The following IL1RAPL2 variants were observed in gnomAD, a reference collection of about 807,000 sequenced individuals.
IL1RAPL2 encodes interleukin 1 receptor accessory protein like 2, also known as X-linked interleukin-1 receptor accessory protein-like 2.
A neutral mutation model predicts 44.1 loss-of-function variants in IL1RAPL2; 3 were observed. The ratio of observed to expected loss-of-function variants is 0.07; its 90% confidence interval spans 0.03 to 0.18. The LOEUF (loss-of-function observed/expected upper bound fraction) is 0.18, where lower values mean the gene tolerates loss of function less well. Ranked by LOEUF, IL1RAPL2 falls within the 10% of genes least tolerant of loss-of-function variation. The probability of loss-of-function intolerance (pLI) is 1.00; values close to 1 mark genes in which losing one functional copy is unlikely to be tolerated. For missense variants in IL1RAPL2, 391 were observed against 496.4 expected (o/e 0.79, Z 2.02); for synonymous variants, 181 against 178.8 (o/e 1.01, Z -0.10).
intron 1 of IL1RAPL2, among the ~76,000 whole-genome samples, chrX:104,627,473 A>C (rs1030822528): frequency 3.5e-5 from 3 of 86,112 alleles, no homozygotes; most frequent in South Asian, 4.9e-4. Context: ...CCTAAAACTT[A>C]AAGTATAATA....
intron 6 of IL1RAPL2, among the ~76,000 whole-genome samples, chrX:105,535,704 A>C (rs1416191027): frequency 8.9e-6 from 1 of 111,817 alleles, no homozygotes; most frequent in African/African-American, 3.3e-5. Context: ...ATGTACTTCC[A>C]TTTCCACGGC....
At chrX:104,606,693 TCACAATTCCTA>T (rs1929020183) in intron 1 of IL1RAPL2, among the ~76,000 whole-genome samples, 1 of 111,008 alleles carries the variant, frequency 9.0e-6, no homozygotes, top group African/African-American at 3.3e-5. Flanking sequence ...GAACTCCCAT[TCACAATTCCTA>T]CAAAGAGAAT....
At chrX:104,981,018 G>C (rs1293905065) in intron 2 of IL1RAPL2, among the ~76,000 whole-genome samples, 1 of 107,789 alleles carries the variant, frequency 9.3e-6, no homozygotes, top group African/African-American at 3.4e-5. Flanking sequence ...TCTGTGTAGA[G>C]ATCTTTCACC....
intron 6 of IL1RAPL2, among the ~76,000 whole-genome samples, chrX:105,652,855 A>G (rs774796934): frequency 1.8e-5 from 2 of 111,610 alleles, no homozygotes; most frequent in Non-Finnish European, 3.8e-5. Flanking sequence ...ATAAACCCAC[A>G]ATAAACATAG....
intron 2 of IL1RAPL2, among the ~76,000 whole-genome samples, chrX:104,948,016 A>C (rs1394920803): frequency 6.3e-5 from 7 of 110,959 alleles, no homozygotes; most frequent in South Asian, 3.8e-4. Context: ...GCAGTATGGC[A>C]ATTTTCACAA....
intron 1 of IL1RAPL2, among the ~76,000 whole-genome samples, chrX:104,596,344 G>C (rs1435952832): frequency 9.0e-6 from 1 of 111,436 alleles, no homozygotes; most frequent in Non-Finnish European, 1.9e-5. Context: ...GGAAGGAAAT[G>C]CTAAATTTCA....
In IL1RAPL2 at chrX:105,440,809, G is replaced by T. The variant is rs368566574; in HGVS notation, c.698-43504G>T. Among the ~76,000 whole-genome samples the T allele has an allele frequency of 3.6e-5, 4 of 111,827 alleles. No homozygotes were observed. In the East Asian group the frequency reaches 1.1e-3, roughly 32 times the overall value. The stretch of plus-strand genomic sequence containing the variant: ...CCACATGTCAAGGGTGGGGCCAGGT[G>T]GAGATAATTGAATCATGGGGGGTGG... On this transcript the variant is annotated intron_variant, in intron 5 of 10. Coordinates refer to ENST00000372582, the MANE Select transcript of IL1RAPL2 (RefSeq NM_017416.2).
At chrX:104,607,799 A>C (rs750630123) in intron 1 of IL1RAPL2, among the ~76,000 whole-genome samples, 1 of 112,186 alleles carries the variant, frequency 8.9e-6, no homozygotes, top group Non-Finnish European at 1.9e-5. Context: ...AATTAGTTCA[A>C]CCATTGTGGA....
rs145453254 is a variant in IL1RAPL2, at chrX:105,206,992, G to A, written c.356+11244G>A. 4.5e-3 allele frequency among the ~76,000 whole-genome samples: 506 copies of A among 111,480 alleles called. 9 individuals carry two copies. Among genetic ancestry groups the A allele is most frequent in the African/African-American group, 0.015 (470 of 30,779 alleles). On this transcript the variant is annotated intron_variant, in intron 3 of 10. Transcript: ENST00000372582. ...ATGAATATAATCAGGTGTCATAAAT[G>A]TATGGTTATCTTTTTCAAAAACTCA...
chrX:104,628,084 G>C (rs1172483944), intron 1 of IL1RAPL2, among the ~76,000 whole-genome samples: 1 of 111,205 alleles, frequency 9.0e-6, no homozygotes. Flanking sequence ...TTTTACATAT[G>C]TATGGGGTAC....
intron 2 of IL1RAPL2, among the ~76,000 whole-genome samples, chrX:104,669,946 T>G (rs145255167): frequency 0.017 from 1,869 of 112,076 alleles, 30 homozygotes; most frequent in Non-Finnish European, 0.025. Context: ...ACTGCAAGTT[T>G]CCATATTCAG....
At chrX:105,089,297 A>C (rs1404514855) in intron 2 of IL1RAPL2, among the ~76,000 whole-genome samples, 1 of 111,227 alleles carries the variant, frequency 9.0e-6, no homozygotes, top group Non-Finnish European at 1.9e-5. Context: ...CCTCAACTCC[A>C]AAACCTTTTT....
intron 2 of IL1RAPL2, among the ~76,000 whole-genome samples, chrX:105,103,988 C>T (rs969434107): frequency 3.6e-5 from 4 of 111,842 alleles, no homozygotes; most frequent in Non-Finnish European, 7.5e-5. Flanking sequence ...GAAGCAATGG[C>T]GTTAATCACT....
intron 2 of IL1RAPL2, among the ~76,000 whole-genome samples, chrX:104,890,189 A>G (rs1442511327): frequency 8.9e-6 from 1 of 111,862 alleles, no homozygotes; most frequent in Non-Finnish European, 1.9e-5. Context: ...TTCTTAATCC[A>G]GTCTATCATT....
Position 105,080,570 on chromosome X carries a change from G to T in IL1RAPL2, c.83-114905G>T, listed in dbSNP as rs2032389861. On this transcript the variant is annotated intron_variant, in intron 2 of 10. Transcript: ENST00000372582. ...TTCTGAGGCCTCTGTTCTGTTCATT[G>T]GTCTATATACCTGTTTTGGTACCAG... Among the ~76,000 whole-genome samples the T allele has an allele frequency of 2.7e-5, 3 of 111,471 alleles. No individual in the cohort carries two copies. The Admixed American group carries it at 2.9e-4, about 11-fold the overall frequency.
intron 2 of IL1RAPL2, among the ~76,000 whole-genome samples, chrX:105,150,118 C>T (rs2033213882): frequency 9.0e-6 from 1 of 110,685 alleles, no homozygotes; most frequent in Non-Finnish European, 1.9e-5. Context: ...AATCATCAGC[C>T]AAGCAGGGAC....
rs761609961 is a variant in IL1RAPL2, at chrX:104,828,279, CT to C, written c.82+169287del. Among the ~76,000 whole-genome samples, 12 of 112,097 alleles carry C rather than the reference CT, an allele frequency of 1.1e-4. No individual in the cohort carries two copies. The East Asian group carries it at 3.4e-3, about 32-fold the overall frequency. ...CTTCGTGGATTTATCTACCTTTCAT[CT>C]TTGCTGTTGGTGACCTTCGGATGGA... On this transcript the variant is annotated intron_variant, in intron 2 of 10. Coordinates refer to ENST00000372582, the MANE Select transcript of IL1RAPL2 (RefSeq NM_017416.2).
chrX:105,470,034 C>A (rs980486522), intron 5 of IL1RAPL2, among the ~76,000 whole-genome samples: 7 of 110,928 alleles, frequency 6.3e-5, no homozygotes, highest in African/African-American at 2.3e-4. Flanking sequence ...GTGACAAAAT[C>A]CTTTAAAACA....
At position 105,343,880 on chromosome X, in the gene IL1RAPL2, C is replaced by CTT. The variant is rs755496552; in HGVS notation, c.697+76351_697+76352dup. Among the ~76,000 whole-genome samples, 143 of 100,439 alleles carry CTT rather than the reference C, an allele frequency of 1.4e-3. 1 individual carries two copies. The highest frequency in any genetic ancestry group is 5.0e-3 in the African/African-American group (138 of 27,332). 87.2% of individuals were successfully genotyped at this position (100,439 alleles called of 115,157 possible). A position where few individuals can be genotyped will look rare whatever the true frequency, so the allele number is the denominator to read the frequency against. On this transcript the variant is annotated intron_variant, in intron 5 of 10. Coordinates refer to ENST00000372582, the MANE Select transcript of IL1RAPL2 (RefSeq NM_017416.2). Reference sequence around the variant, plus strand: ...TACTTTTCGTTATTGTCAAAGTTTTCTTTTTTTTTTTTTCTTTCTTTTTTT... The same window carrying CTT: ...TACTTTTCGTTATTGTCAAAGTTTTCTTTTTTTTTTTTTTTCTTTCTTTTTTT...
Sources: gnomAD v4.1 joint callset for allele counts (sites outside exome capture counted in the v4.1 genomes callset) on GRCh38, gnomAD v4.1.1 for gene constraint, MANE v1.5 for transcripts, NCBI Gene and HGNC (gene_info 2026-07-23, HGNC 2026-07-21) for gene names.